The following MAP1B variants were observed in gnomAD, a reference collection of about 807,000 sequenced individuals.
MAP1B encodes microtubule associated protein 1B, also known as microtubule-associated protein 1B.
In MAP1B, 12 loss-of-function variants were observed where a neutral mutation model predicts 176.1. That is an observed-to-expected ratio of 0.07 (90% CI 0.04 to 0.11). The LOEUF (loss-of-function observed/expected upper bound fraction) is 0.11, where lower values mean the gene tolerates loss of function less well. Among genes scored for constraint, MAP1B ranks in the 10% least tolerant of loss-of-function variants. The probability of loss-of-function intolerance (pLI) is 1.00; values close to 1 mark genes in which losing one functional copy is unlikely to be tolerated. For synonymous variants in MAP1B, 1,044 were observed against 1,135.0 expected, an observed-to-expected ratio of 0.92 and a Z score of 1.61; for missense variants, 2,523 against 2,990.5, an observed-to-expected ratio of 0.84 and a Z score of 3.65.
At chr5:72,175,727 G>C (rs1186258845) in intron 2 of MAP1B, among the ~76,000 whole-genome samples, 2 of 152,176 alleles carry the variant, frequency 1.3e-5, no homozygotes, top group Non-Finnish European at 2.9e-5. Context: ...CAGGTCAAAT[G>C]AGAATCCTGC....
At chr5:72,172,250 G>T (rs1405126821) in intron 2 of MAP1B, among the ~76,000 whole-genome samples, 1 of 152,174 alleles carries the variant, frequency 6.6e-6, no homozygotes, top group Non-Finnish European at 1.5e-5. Flanking sequence ...CAAGCTGGTT[G>T]CTGTGGCCCA....
Position 72,195,781 on chromosome 5 carries a change from T to C in MAP1B, c.2426T>C (p.Met809Thr), listed in dbSNP as rs776986380. 6.2e-6 allele frequency: 10 copies of C among 1,614,102 alleles called. No individual in the cohort carries two copies. The highest frequency in any genetic ancestry group is 8.5e-6 in the Non-Finnish European group (10 of 1,179,962). The part of the protein sequence containing the change: ...VGTGATTAAV[M>T]AAAGIAAIGP... ...ACTGGAGCCACCACAGCAGCTGTCA[T>C]GGCGGCAGCTGGAATAGCAGCCATT... The change falls in exon 5 of 7, where the codon ATG becomes ACG. Residue 809 changes from methionine (M) to threonine (T), a missense_variant. Physicochemically the swap from Met to Thr is moderately conservative, Grantham distance 81. Around this residue, in one of 4 missense-constraint regions of MAP1B, gnomAD observed 1,925 missense variants for 2,126.0 expected, o/e 0.91. Transcript: ENST00000296755.
Position 72,197,619 on chromosome 5 carries a change from G to C in MAP1B, c.4264G>C (p.Gly1422Arg). Residue 1422 changes from glycine to arginine, a missense_variant, in exon 5 of 7, where the codon GGC (glycine) becomes CGC (arginine). By Grantham distance (125) the Gly-to-Arg change is moderately radical. This residue lies in a region of MAP1B where 1,925 missense variants were observed against 2,126.0 expected (regional missense o/e 0.91). Coordinates refer to ENST00000296755, the MANE Select transcript of MAP1B (RefSeq NM_005909.5). ...TCTAAGTGCTGATGACAAGGCTTCTGGCAGAGGTGCCGAAAGTCCTTTTGA... is the reference window on the plus strand; with the variant it reads ...TCTAAGTGCTGATGACAAGGCTTCTCGCAGAGGTGCCGAAAGTCCTTTTGA... ...SFLSADDKAS[G>R]RGAESPFEEK... 1 of 1,614,174 alleles carries C rather than the reference G, an allele frequency of 6.2e-7. No individual in the cohort carries two copies.
At chr5:72,121,749 C>G (rs1328758652) in intron 2 of MAP1B, among the ~76,000 whole-genome samples, 1 of 152,226 alleles carries the variant, frequency 6.6e-6, no homozygotes, top group East Asian at 1.9e-4. Flanking sequence ...TGTGTTTAGT[C>G]TGTTGTGTGT....
rs943359526 is a variant in MAP1B, at chr5:72,179,956, G to A, written c.287-3787G>A. The A allele has an allele frequency of 7.0e-5, 69 of 984,232 alleles. 1 individual carries two copies. The African/African-American group carries it at 1.2e-3, about 16-fold the overall frequency. The allele number at this position is 984,232 out of a possible 1,614,324, so 61.0% of individuals were successfully genotyped here. A position where few individuals can be genotyped will look rare whatever the true frequency, so the allele number is the denominator to read the frequency against. ...ATTTGTTTTGTTTGCAACTGATGAA[G>A]CCAAAGAGGAAAGGAACTGCCGGTG... On this transcript the variant is annotated intron_variant, in intron 2 of 6. Transcript: ENST00000296755.
intron 2 of MAP1B, among the ~76,000 whole-genome samples, chr5:72,134,133 G>T (rs1745788320): frequency 6.6e-6 from 1 of 152,200 alleles, no homozygotes. Flanking sequence ...GTGTGTACAT[G>T]TTGTCTTTTG....
At chr5:72,159,925 G>A (rs1044005190) in intron 2 of MAP1B, among the ~76,000 whole-genome samples, 3 of 152,128 alleles carry the variant, frequency 2.0e-5, no homozygotes, top group Non-Finnish European at 2.9e-5. Flanking sequence ...GGTAAAGAGT[G>A]GGGGCTTCAT....
intron 2 of MAP1B, among the ~76,000 whole-genome samples, chr5:72,156,983 A>C (rs1208822296): frequency 6.6e-6 from 1 of 152,206 alleles, no homozygotes; most frequent in East Asian, 1.9e-4. Flanking sequence ...ACGGGCTGGA[A>C]GATGTTAAAC....
Position 72,115,751 on chromosome 5 carries a change from A to G in MAP1B, c.238A>G (p.Lys80Glu). The G allele has an allele frequency of 1.2e-6, 2 of 1,614,044 alleles. No homozygotes were observed. The highest frequency in any genetic ancestry group is 2.2e-5 in the South Asian group (2 of 91,080). Residue 80 changes from lysine to glutamate, a missense_variant, in exon 2 of 7, where the codon AAA (lysine) becomes GAA (glutamate). Transcript: ENST00000296755. The part of the protein sequence containing the change: ...LIECNLDQEL[K>E]LFVSRHSARF... ...TGAATGCAACTTGGACCAAGAACTC[A>G]AACTTTTTGTATCTCGACACTCTGC...
intron 2 of MAP1B, among the ~76,000 whole-genome samples, chr5:72,157,767 T>C (rs1419296917): frequency 6.6e-6 from 1 of 152,228 alleles, no homozygotes; most frequent in South Asian, 2.1e-4. Context: ...TTCTGGACTG[T>C]GGGAAATGAC....
chr5:72,162,629 C>T (rs1305468116), intron 2 of MAP1B, among the ~76,000 whole-genome samples: 1 of 152,088 alleles, frequency 6.6e-6, no homozygotes, highest in Non-Finnish European at 1.5e-5. Context: ...GGTTTTGCTT[C>T]CTTGCTTAAA....
At chr5:72,170,146 C>A (rs1746507823) in intron 2 of MAP1B, among the ~76,000 whole-genome samples, 1 of 152,164 alleles carries the variant, frequency 6.6e-6, no homozygotes, top group Admixed American at 6.5e-5. Flanking sequence ...AATTACCAGT[C>A]TATTTCATGT....
rs1747493161 is a variant in MAP1B at position 72,208,064 on chromosome 5, T to C, written c.*2825T>C. 1 of 99,722 alleles carries C rather than the reference T, an allele frequency of 1.0e-5. No individual in the cohort carries two copies. Among genetic ancestry groups the C allele is most frequent in the African/African-American group, 6.4e-5 (1 of 15,612 alleles). The allele number at this position is 99,722 out of a possible 1,614,324, so 6.2% of individuals were successfully genotyped here. On this transcript the variant is annotated 3_prime_UTR_variant, in exon 7 of 7. Transcript: ENST00000296755. ...TTTTCCTATGAAATCTATCAGTACC[T>C]TTCTCCATCCGTTGTTCTCAATATG...
intron 2 of MAP1B, among the ~76,000 whole-genome samples, chr5:72,117,899 A>G (rs893863032): frequency 6.6e-6 from 1 of 152,180 alleles, no homozygotes; most frequent in African/African-American, 2.4e-5. Flanking sequence ...TCCAACCAGG[A>G]CTGTAAGGTG....
chr5:72,161,358 A>G (rs77300025), intron 2 of MAP1B, among the ~76,000 whole-genome samples: 4,983 of 152,326 alleles, frequency 0.033, 141 homozygotes, highest in African/African-American at 0.066. Flanking sequence ...ACAATACATA[A>G]TAAGCAGTCA....
chr5:72,160,112 C>A (rs1273097531), intron 2 of MAP1B, among the ~76,000 whole-genome samples: 1 of 150,398 alleles, frequency 6.6e-6, no homozygotes, highest in Non-Finnish European at 1.5e-5. Context: ...TTTGTATTTC[C>A]ATTTTCACTT....
At chr5:72,200,435 T>C in intron 5 of MAP1B, 68 bp downstream of exon 5, 1 of 1,545,044 alleles carries the variant, frequency 6.5e-7, no homozygotes, top group Non-Finnish European at 8.7e-7. Flanking sequence ...AGCCTTTATA[T>C]TTCCCTGTTT....
intron 2 of MAP1B, among the ~76,000 whole-genome samples, chr5:72,128,759 G>A (rs1404219536): frequency 6.6e-6 from 1 of 152,156 alleles, no homozygotes. Flanking sequence ...TCCCACCTCA[G>A]CTTCCTAAGT....
rs2112102705 is a variant in MAP1B, at chr5:72,107,895, A to G, written c.184+180A>G. Among the ~76,000 whole-genome samples, 1 of 152,316 alleles carries G rather than the reference A, an allele frequency of 6.6e-6. No individual in the cohort carries two copies. The highest frequency in any genetic ancestry group is 3.4e-3 in the Middle Eastern group (1 of 292). ...TTAAGAATAATCCGAATTATTAGAT[A>G]TGAGACCCAGAGGGAGAGTCTCCAA... On this transcript the variant is annotated intron_variant, in intron 1 of 6. Transcript: ENST00000296755.
Sources: gnomAD v4.1 joint callset for allele counts (sites outside exome capture counted in the v4.1 genomes callset) on GRCh38, gnomAD v4.1.1 for gene constraint, gnomAD v4.1.1 regional missense constraint, MANE v1.5 for transcripts, NCBI Gene and HGNC (gene_info 2026-07-23, HGNC 2026-07-21) for gene names.